The following NELL1 variants were observed in gnomAD, a reference collection of about 807,000 sequenced individuals.
The protein encoded by NELL1 is neural EGFL like 1.
In NELL1, 76 loss-of-function variants were observed where a neutral mutation model predicts 107.4. That is an observed-to-expected ratio of 0.71 (90% CI 0.59 to 0.86). The LOEUF (loss-of-function observed/expected upper bound fraction) is 0.86, where lower values mean the gene tolerates loss of function less well. Among genes scored for constraint, NELL1 ranks in the 40% least tolerant of loss-of-function variants. NELL1 has a pLI of 0.00. For missense variants in NELL1, 1,024 were observed against 1,005.5 expected, an observed-to-expected ratio of 1.02 and a Z score of -0.25; for synonymous variants, 353 against 341.2, an observed-to-expected ratio of 1.03 and a Z score of -0.38.
At chr11:20,786,303 T>C (rs182529066) in intron 3 of NELL1, among the ~76,000 whole-genome samples, 6 of 148,830 alleles carry the variant, frequency 4.0e-5, no homozygotes, top group African/African-American at 1.5e-4. Flanking sequence ...TGAGCCAAGA[T>C]TGCACCATCG....
chr11:20,824,828 G>A lies in NELL1; in HGVS notation c.336-22755G>A, dbSNP rs756805204. Among the ~76,000 whole-genome samples the A allele has an allele frequency of 2.0e-5, 3 of 151,342 alleles. 1 individual carries two copies. Among genetic ancestry groups the A allele is most frequent in the Non-Finnish European group, 4.4e-5 (3 of 67,604 alleles). On this transcript the variant is annotated intron_variant, in intron 3 of 19. Transcript: ENST00000357134. ...AAGAGGAAGCAGAACATAAAAGTTT[G>A]GAAAGTTTGTAGACTGACAATGCGA...
intron 12 of NELL1, among the ~76,000 whole-genome samples, chr11:21,040,322 T>C (rs1853199012): frequency 6.6e-6 from 1 of 152,210 alleles, no homozygotes. Context: ...TTTACTTTGC[T>C]TTACATTTTT....
rs369184202 is a variant in NELL1, at chr11:21,327,657, G to T, written c.1550-43196G>T. On this transcript the variant is annotated intron_variant, in intron 14 of 19. Coordinates refer to ENST00000357134, the MANE Select transcript of NELL1 (RefSeq NM_006157.5). ...ACTTTGGAACTGGGTAACAGGAAGG[G>T]GTTGGAAAAGTTTGGAGGTCTCAGA... 1.8e-3 allele frequency among the ~76,000 whole-genome samples: 276 copies of T among 152,288 alleles called. 9 individuals are homozygous for T. The South Asian group carries it at 0.054, about 30-fold the overall frequency.
At chr11:21,125,230 C>CAATA (rs1855461372) in intron 13 of NELL1, among the ~76,000 whole-genome samples, 1 of 152,080 alleles carries the variant, frequency 6.6e-6, no homozygotes, top group Non-Finnish European at 1.5e-5. Flanking sequence ...CTAAGGGGAG[C>CAATA]CTGAAAAGAC....
At chr11:21,038,339 G>A (rs1412860735) in intron 12 of NELL1, among the ~76,000 whole-genome samples, 1 of 151,546 alleles carries the variant, frequency 6.6e-6, no homozygotes, top group African/African-American at 2.4e-5. Flanking sequence ...AGATAATCTT[G>A]GTTTGATGAG....
intron 13 of NELL1, among the ~76,000 whole-genome samples, chr11:21,151,428 T>C (rs1856114584): frequency 2.6e-5 from 4 of 152,112 alleles, no homozygotes; most frequent in Non-Finnish European, 5.9e-5. Context: ...GTGTGTGGTA[T>C]GAATGATGTG....
intron 16 of NELL1, among the ~76,000 whole-genome samples, chr11:21,536,272 C>G (rs1230949532): frequency 6.6e-6 from 1 of 152,092 alleles, no homozygotes; most frequent in Non-Finnish European, 1.5e-5. Context: ...CTTCCCTCCT[C>G]AGGCAGTCCT....
chr11:21,504,763 A>T (rs1378125023), intron 15 of NELL1, among the ~76,000 whole-genome samples: 1 of 152,168 alleles, frequency 6.6e-6, no homozygotes, highest in Non-Finnish European at 1.5e-5. Context: ...AGCTCGAAGC[A>T]GAGAATTCGA....
chr11:21,124,323 G>A (rs187670353), intron 13 of NELL1, among the ~76,000 whole-genome samples: 1 of 152,286 alleles, frequency 6.6e-6, no homozygotes, highest in East Asian at 1.9e-4. Context: ...TAGGGATAAT[G>A]TCTTTCATCT....
chr11:21,417,124 T>C (rs76143078), intron 15 of NELL1, among the ~76,000 whole-genome samples: 2,203 of 152,138 alleles, frequency 0.014, 56 homozygotes, highest in African/African-American at 0.047. Flanking sequence ...ATAAAGGACT[T>C]AGCACAGGAC....
chr11:20,973,406 C>G lies in NELL1; in HGVS notation c.1300+12846C>G, dbSNP rs569456572. Among the ~76,000 whole-genome samples, 30 of 152,288 alleles carry G rather than the reference C, an allele frequency of 2.0e-4. No homozygotes were observed. The South Asian group carries it at 6.2e-3, about 32-fold the overall frequency. ...TACAGGCATGAGCCACTGCGTCCAG[C>G]CTCTTCGTTACTTTTTCTTAACATA... On this transcript the variant is annotated intron_variant, in intron 12 of 19. Coordinates refer to ENST00000357134, the MANE Select transcript of NELL1 (RefSeq NM_006157.5).
chr11:21,075,282 A>G (rs1227012984), intron 12 of NELL1, among the ~76,000 whole-genome samples: 1 of 152,180 alleles, frequency 6.6e-6, no homozygotes, highest in East Asian at 1.9e-4. Flanking sequence ...TGTTTGTTGC[A>G]CAGACCCTTC....
chr11:20,763,418 A>T (rs932215), intron 2 of NELL1, among the ~76,000 whole-genome samples: 129,201 of 152,092 alleles, frequency 0.85, 54,935 homozygotes, highest in Middle Eastern at 0.94. Context: ...TGGGATAGAA[A>T]TATTCTCATT....
At chr11:21,173,100 T>G (rs1856640674) in intron 13 of NELL1, among the ~76,000 whole-genome samples, 2 of 151,858 alleles carry the variant, frequency 1.3e-5, no homozygotes, top group Non-Finnish European at 2.9e-5. Context: ...GCTCTCCCTA[T>G]GCATTTCAAT....
chr11:21,480,742 C>A (rs946789163), intron 15 of NELL1, among the ~76,000 whole-genome samples: 2 of 152,294 alleles, frequency 1.3e-5, no homozygotes, highest in Non-Finnish European at 2.9e-5. Context: ...CCAGTTGTGC[C>A]AGAGAGGGGC....
At chr11:21,063,032 G>A (rs7108876) in intron 12 of NELL1, among the ~76,000 whole-genome samples, 35,072 of 151,570 alleles carry the variant, frequency 0.23, 4,345 homozygotes, top group South Asian at 0.4. Flanking sequence ...ATTTTTAGGA[G>A]AGATGAGGTT....
intron 5 of NELL1, among the ~76,000 whole-genome samples, chr11:20,902,493 T>C (rs1191487245): frequency 6.6e-6 from 1 of 151,990 alleles, no homozygotes; most frequent in Non-Finnish European, 1.5e-5. Context: ...GGGGAAGTCA[T>C]TGAGCAATGG....
At chr11:21,011,871 A>G (rs1852454507) in intron 12 of NELL1, among the ~76,000 whole-genome samples, 1 of 152,172 alleles carries the variant, frequency 6.6e-6, no homozygotes, top group South Asian at 2.1e-4. Context: ...CTATTAAATA[A>G]GCATTCCACA....
chr11:21,043,178 T>C (rs1220698069), intron 12 of NELL1, among the ~76,000 whole-genome samples: 3 of 152,174 alleles, frequency 2.0e-5, no homozygotes, highest in South Asian at 2.1e-4. Context: ...AGAGTACTGC[T>C]ATTCATTCAC....
Sources: allele counts gnomAD v4.1 joint callset (sites outside exome capture counted in the v4.1 genomes callset), GRCh38; gene constraint gnomAD v4.1.1; transcripts MANE v1.5; gene names NCBI Gene and HGNC (gene_info 2026-07-23, HGNC 2026-07-21).